HERC4: variants seen among roughly 807,000 people sequenced by gnomAD.
HERC4 encodes probable E3 ubiquitin-protein ligase HERC4.
HERC4 carries 28 observed loss-of-function variants against 124.3 expected under a neutral mutation model. The ratio of observed to expected loss-of-function variants is 0.23; its 90% confidence interval spans 0.17 to 0.31. The LOEUF (loss-of-function observed/expected upper bound fraction) is 0.31, where lower values mean the gene tolerates loss of function less well. Ranked by LOEUF, HERC4 falls within the 10% of genes least tolerant of loss-of-function variation. The pLI is 1.00. For synonymous variants in HERC4, 407 were observed against 421.5 expected, an observed-to-expected ratio of 0.97 and a Z score of 0.42; for missense variants, 713 against 1,229.3, an observed-to-expected ratio of 0.58 and a Z score of 6.28.
At position 67,922,674 on chromosome 10, in the gene HERC4, A is replaced by G. The variant is rs2030340173; in HGVS notation, c.*257T>C. 4.3e-6 allele frequency: 1 copy of G among 232,374 alleles called. No homozygotes were observed. Among genetic ancestry groups the G allele is most frequent in the Admixed American group, 5.3e-5 (1 of 18,954 alleles). 14.4% of individuals were successfully genotyped at this position (232,374 alleles called of 1,614,324 possible). The stretch of plus-strand genomic sequence containing the variant: ...GCAAACTCTTAAAATTCATGTTAGT[A>G]AAACTTTAATGTATTCATAATACTT... On this transcript the variant is annotated 3_prime_UTR_variant, in exon 25 of 25. Coordinates refer to ENST00000373700, the MANE Select transcript of HERC4 (RefSeq NM_015601.4).
chr10:67,996,180 G>A (rs1288819044), intron 9 of HERC4: 2 of 441,564 alleles, frequency 4.5e-6, no homozygotes, highest in Non-Finnish European at 9.1e-6. Flanking sequence ...GGTGGCGCAT[G>A]CCTGTAGTCT....
intron 19 of HERC4, among the ~76,000 whole-genome samples, chr10:67,945,903 T>C (rs969648244): frequency 8.1e-5 from 12 of 147,670 alleles, no homozygotes; most frequent in Admixed American, 2.7e-4. Flanking sequence ...AGGAATGGAA[T>C]AGGAAGGAAG....
intron 9 of HERC4, among the ~76,000 whole-genome samples, chr10:68,005,299 A>G (rs1456437207): frequency 3.3e-5 from 5 of 152,120 alleles, no homozygotes; most frequent in Admixed American, 2.0e-4. Flanking sequence ...ATGACCTTCT[A>G]TATCTTCTTA....
intron 23 of HERC4, among the ~76,000 whole-genome samples, chr10:67,931,134 G>A (rs1310476319): frequency 2.0e-5 from 3 of 151,430 alleles, no homozygotes; most frequent in Non-Finnish European, 4.4e-5. Context: ...ATAGGCGTGC[G>A]ACACTATGCC....
chr10:67,948,989 C>T (rs2033594347), intron 19 of HERC4, among the ~76,000 whole-genome samples: 1 of 151,980 alleles, frequency 6.6e-6, no homozygotes, highest in Non-Finnish European at 1.5e-5. Flanking sequence ...CGCGGTGGCT[C>T]ACGCCTGTAA....
At chr10:68,061,185 T>G (rs912342476) in intron 3 of HERC4, among the ~76,000 whole-genome samples, 2 of 152,126 alleles carry the variant, frequency 1.3e-5, no homozygotes, top group African/African-American at 4.8e-5. Flanking sequence ...AAAAGCAACT[T>G]ATACCTATGT....
intron 9 of HERC4, among the ~76,000 whole-genome samples, chr10:68,000,934 G>C (rs2037193606): frequency 6.6e-6 from 1 of 152,186 alleles, no homozygotes; most frequent in Non-Finnish European, 1.5e-5. Context: ...AAGCCACCGA[G>C]TTTGTGGTAG....
chr10:67,939,426 G>T (rs928534058), intron 21 of HERC4, among the ~76,000 whole-genome samples, 162 bp downstream of exon 21: 2 of 152,202 alleles, frequency 1.3e-5, no homozygotes, highest in Admixed American at 1.3e-4. Flanking sequence ...TAAATGAAAT[G>T]CATGTACTAT....
chr10:67,923,251 G>T lies in HERC4; in HGVS notation c.2942-112C>A, dbSNP rs1051730527. 2.4e-5 allele frequency: 17 copies of T among 713,392 alleles called. No homozygotes were observed. The Admixed American group carries it at 3.7e-4, about 16-fold the overall frequency. The allele number at this position is 713,392 out of a possible 1,614,324, so 44.2% of individuals were successfully genotyped here. A position where few individuals can be genotyped will look rare whatever the true frequency, so the allele number is the denominator to read the frequency against. On this transcript the variant is annotated intron_variant, in intron 24 of 24. Coordinates refer to ENST00000373700, the MANE Select transcript of HERC4 (RefSeq NM_015601.4). The stretch of plus-strand genomic sequence containing the variant: ...GCTTCACTTTAACATCTGCTCTAAC[G>T]TGTTATCTTACTTCCTAATTTGTGG...
At chr10:68,050,272 G>A (rs781433218) in intron 3 of HERC4, among the ~76,000 whole-genome samples, 2 of 152,166 alleles carry the variant, frequency 1.3e-5, no homozygotes, top group Non-Finnish European at 2.9e-5. Context: ...TCAAATGTAA[G>A]AGCCAAGCTT....
chr10:67,974,112 AC>A (rs2035432149), intron 15 of HERC4, among the ~76,000 whole-genome samples: 2 of 119,600 alleles, frequency 1.7e-5, no homozygotes. Context: ...ACACACACAC[AC>A]ACACACATAC....
At chr10:67,951,124 G>A (rs1047893419) in intron 19 of HERC4, among the ~76,000 whole-genome samples, 7 of 152,154 alleles carry the variant, frequency 4.6e-5, no homozygotes, top group African/African-American at 1.7e-4. Context: ...TCATGATAAA[G>A]CTTATTACAA....
At chr10:68,029,842 GA>G (rs1054790643) in intron 7 of HERC4, among the ~76,000 whole-genome samples, 11 of 150,906 alleles carry the variant, frequency 7.3e-5, no homozygotes, top group Non-Finnish European at 1.5e-4. Context: ...AGGTTCAAGC[GA>G]TTCTCCTGCC....
chr10:67,922,957 G>T lies in HERC4; in HGVS notation c.3124C>A (p.His1042Asn). The T allele has an allele frequency of 1.2e-6, 2 of 1,611,986 alleles. No homozygotes were observed. The highest frequency in any genetic ancestry group is 2.2e-5 in the South Asian group (2 of 90,952). Reference sequence around the variant, plus strand: ...TATATTAAACTGAAGCCTTCATTGTGATCAATAGCTTGGATCAGTTTAGAG... The same window carrying T: ...TATATTAAACTGAAGCCTTCATTGTTATCAATAGCTTGGATCAGTTTAGAG... ...LRSKLIQAID[H>N]NEGFSLI Residue 1042 changes from histidine (H) to asparagine (N), a missense_variant, in exon 25 of 25, where the codon CAC (histidine) becomes AAC (asparagine). Transcript: ENST00000373700.
intron 23 of HERC4, among the ~76,000 whole-genome samples, chr10:67,930,473 A>C (rs1293290892): frequency 6.6e-6 from 1 of 152,222 alleles, no homozygotes; most frequent in African/African-American, 2.4e-5. Flanking sequence ...ATGTATGTTT[A>C]ACTTTTTAAG....
intron 9 of HERC4, chr10:67,995,345 T>C: frequency 3.2e-6 from 1 of 308,744 alleles, no homozygotes. Context: ...AGCTGAAGCA[T>C]TAGTTTCTCC....
chr10:68,049,094 T>C (rs2040156687), intron 3 of HERC4, among the ~76,000 whole-genome samples: 1 of 152,042 alleles, frequency 6.6e-6, no homozygotes, highest in Non-Finnish European at 1.5e-5. Context: ...TATATATATA[T>C]ATTTGCAGCA....
intron 9 of HERC4, chr10:68,010,435 G>C: frequency 4.2e-6 from 4 of 941,700 alleles, no homozygotes; most frequent in Non-Finnish European, 5.1e-6. Context: ...CTGCTTGATT[G>C]CTTGCCCTTC....
At chr10:68,060,907 G>A (rs1002033388) in intron 3 of HERC4, among the ~76,000 whole-genome samples, 16 of 151,100 alleles carry the variant, frequency 1.1e-4, no homozygotes, top group African/African-American at 3.4e-4. Flanking sequence ...CTTTATCCTC[G>A]TTATGCCATC....
Sources: allele counts gnomAD v4.1 joint callset (sites outside exome capture counted in the v4.1 genomes callset), GRCh38; gene constraint gnomAD v4.1.1; transcripts MANE v1.5; gene names NCBI Gene and HGNC (gene_info 2026-07-23, HGNC 2026-07-21).